SMYD3: variants seen among roughly 807,000 people sequenced by gnomAD.
The protein encoded by SMYD3 is histone-lysine N-methyltransferase SMYD3.
SMYD3 carries 36 observed loss-of-function variants against 57.7 expected under a neutral mutation model. The ratio of observed to expected loss-of-function variants is 0.62; its 90% CI spans 0.48 to 0.82. The LOEUF (loss-of-function observed/expected upper bound fraction) is 0.82. Among genes scored for constraint, SMYD3 ranks in the 40% least tolerant of loss-of-function variants. The probability of loss-of-function intolerance (pLI) is 0.00; values close to 1 mark genes in which losing one functional copy is unlikely to be tolerated. For synonymous variants in SMYD3, 211 were observed against 195.0 expected (o/e 1.08, Z -0.68); for missense variants, 515 against 538.8 (o/e 0.96, Z 0.44).
chr1:245,775,308 G>A (rs145968078), intron 10 of SMYD3, among the ~76,000 whole-genome samples: 13,390 of 152,216 alleles, frequency 0.088, 701 homozygotes, highest in Admixed American at 0.16. Context: ...AGAGAAATCA[G>A]ATTGTTGCTG....
intron 5 of SMYD3, among the ~76,000 whole-genome samples, chr1:246,181,942 G>C (rs2062558331): frequency 6.6e-6 from 1 of 152,136 alleles, no homozygotes; most frequent in Admixed American, 6.5e-5. Flanking sequence ...ATCACGTAGA[G>C]ATAATTACCT....
chr1:245,913,790 A>G (rs192173639), intron 8 of SMYD3, among the ~76,000 whole-genome samples: 372 of 152,290 alleles, frequency 2.4e-3, no homozygotes, highest in Non-Finnish European at 4.0e-3. Context: ...AAATATCACA[A>G]ATATTCCAAT....
intron 1 of SMYD3, among the ~76,000 whole-genome samples, chr1:246,459,225 C>A (rs941265097): frequency 1.3e-5 from 2 of 151,284 alleles, no homozygotes; most frequent in South Asian, 4.2e-4. Flanking sequence ...GTGTGTGACA[C>A]GTCCCCCTTC....
intron 1 of SMYD3, among the ~76,000 whole-genome samples, chr1:246,463,974 C>G (rs2067846452): frequency 6.6e-6 from 1 of 151,640 alleles, no homozygotes; most frequent in Admixed American, 6.6e-5. Flanking sequence ...GAAAAGATGG[C>G]CCAGAAACAG....
At chr1:246,384,931 A>G in intron 1 of SMYD3, among the ~76,000 whole-genome samples, 1 of 152,184 alleles carries the variant, frequency 6.6e-6, no homozygotes, top group East Asian at 1.9e-4. Context: ...CACCCATGGG[A>G]CATTACATAA....
At chr1:245,857,514 G>A (rs973076941) in intron 10 of SMYD3, among the ~76,000 whole-genome samples, 13 of 38,226 alleles carry the variant, frequency 3.4e-4, no homozygotes, top group East Asian at 2.6e-3. Flanking sequence ...GTTGTCCTAC[G>A]TTGCCCCTTT....
chr1:246,249,513 G>GTTT (rs747502749), intron 5 of SMYD3, among the ~76,000 whole-genome samples: 2 of 134,668 alleles, frequency 1.5e-5, no homozygotes, highest in Non-Finnish European at 3.2e-5. Context: ...ATGGATCCTA[G>GTTT]TTTTTTGTTT....
At chr1:246,292,885 C>A (rs1329759204) in intron 5 of SMYD3, among the ~76,000 whole-genome samples, 1 of 152,058 alleles carries the variant, frequency 6.6e-6, no homozygotes, top group Non-Finnish European at 1.5e-5. Flanking sequence ...AACATATAGC[C>A]ATGTTCAAGA....
chr1:246,001,568 T>C lies in SMYD3; in HGVS notation c.532-71631A>G, dbSNP rs569306703. Among the ~76,000 whole-genome samples the C allele has an allele frequency of 1.2e-4, 18 of 152,284 alleles. No individual in the cohort carries two copies. The East Asian group carries it at 2.7e-3, about 23-fold the overall frequency. ...ATCTAAGAAGCATGGCTGTTTCTCA[T>C]CATGTGGTCGCTGGCTCTGCGAGCT... is the stretch of plus-strand genomic sequence containing the variant. On this transcript the variant is annotated intron_variant, in intron 5 of 11. Transcript: ENST00000490107.
At chr1:246,091,211 C>T (rs1000476742) in intron 5 of SMYD3, among the ~76,000 whole-genome samples, 8 of 152,188 alleles carry the variant, frequency 5.3e-5, no homozygotes, top group Admixed American at 2.0e-4. Flanking sequence ...GAACAAGCTT[C>T]CTTTCATGAA....
intron 5 of SMYD3, among the ~76,000 whole-genome samples, chr1:246,224,554 G>A (rs2063301321): frequency 1.3e-5 from 2 of 151,864 alleles, no homozygotes; most frequent in African/African-American, 2.4e-5. Context: ...TTAAGGGAAG[G>A]TGCAGGGATT....
chr1:245,856,745 G>A (rs187619920), intron 10 of SMYD3, among the ~76,000 whole-genome samples: 2 of 152,362 alleles, frequency 1.3e-5, no homozygotes, highest in East Asian at 1.9e-4. Context: ...GAGCAGGGCA[G>A]CCTGAGTGTC....
chr1:245,973,723 C>G (rs1445698974), intron 5 of SMYD3, among the ~76,000 whole-genome samples: 2 of 152,150 alleles, frequency 1.3e-5, no homozygotes, highest in Non-Finnish European at 2.9e-5. Flanking sequence ...GAACAAATGT[C>G]CCAGTTAGCC....
intron 1 of SMYD3, among the ~76,000 whole-genome samples, chr1:246,408,876 G>A (rs866158139): frequency 6.6e-6 from 1 of 151,992 alleles, no homozygotes; most frequent in Admixed American, 6.6e-5. Context: ...CACCATGTTG[G>A]CCAGGTTGGT....
chr1:246,132,733 T>C (rs1425390660), intron 5 of SMYD3, among the ~76,000 whole-genome samples: 1 of 152,146 alleles, frequency 6.6e-6, no homozygotes, highest in Non-Finnish European at 1.5e-5. Context: ...AAATCATTTA[T>C]CTGGTCAGGG....
At chr1:246,399,205 G>A (rs994197612) in intron 1 of SMYD3, among the ~76,000 whole-genome samples, 3 of 151,744 alleles carry the variant, frequency 2.0e-5, no homozygotes, top group Admixed American at 2.0e-4. Flanking sequence ...TGTATTTTTA[G>A]TAGAGACAGG....
intron 5 of SMYD3, among the ~76,000 whole-genome samples, chr1:246,180,172 T>C (rs2062512725): frequency 6.7e-6 from 1 of 148,462 alleles, no homozygotes; most frequent in African/African-American, 2.5e-5. Context: ...TATTAGAAAA[T>C]ATATATCTAC....
At chr1:245,800,323 TA>T (rs2047793973) in intron 10 of SMYD3, among the ~76,000 whole-genome samples, 1 of 152,154 alleles carries the variant, frequency 6.6e-6, no homozygotes, top group African/African-American at 2.4e-5. Flanking sequence ...CTTTCCTTCC[TA>T]GCTCTTCATG....
chr1:246,230,154 A>G (rs554428784), intron 5 of SMYD3, among the ~76,000 whole-genome samples: 39 of 152,288 alleles, frequency 2.6e-4, no homozygotes, highest in African/African-American at 9.4e-4. Context: ...ACTTTTCCTA[A>G]AGCCATGACC....
Sources: gnomAD v4.1 joint callset for allele counts (sites outside exome capture counted in the v4.1 genomes callset) on GRCh38, gnomAD v4.1.1 for gene constraint, MANE v1.5 for transcripts, NCBI Gene and HGNC (gene_info 2026-07-23, HGNC 2026-07-21) for gene names.